TMEM207: variants seen among roughly 807,000 people sequenced by gnomAD.
TMEM207 encodes the protein transmembrane protein 207, also known as SRSR846.
In TMEM207, 15 loss-of-function variants were observed where a neutral mutation model predicts 17.4. The ratio of observed to expected loss-of-function variants is 0.86; its 90% CI spans 0.58 to 1.33. TMEM207 has a LOEUF of 1.33. TMEM207 is among the 40% of genes most tolerant of loss of function. TMEM207 has a pLI of 0.00. For missense variants in TMEM207, 205 were observed against 173.8 expected (o/e 1.18, Z -1.01); for synonymous variants, 70 against 65.6 (o/e 1.07, Z -0.33).
rs1015881672 is a variant in TMEM207 at position 190,447,905 on chromosome 3, A to G, written c.76-78T>C. The G allele has an allele frequency of 3.6e-6, 5 of 1,372,652 alleles. No individual in the cohort carries two copies. The African/African-American group carries it at 5.9e-5, about 16-fold the overall frequency. 85.0% of individuals were successfully genotyped at this position (1,372,652 alleles called of 1,614,324 possible). A position where few individuals can be genotyped will look rare whatever the true frequency, so the allele number is the denominator to read the frequency against. On this transcript the variant is annotated intron_variant, in intron 1 of 4. Transcript: ENST00000354905. ...TTTAATACAAGCAGCGCCTAGAGAC[A>G]ATGTGGGTTTATATCATTTCGTTTG...
chr3:190,438,908 C>T (rs1294037634), intron 4 of TMEM207, among the ~76,000 whole-genome samples: 1 of 151,904 alleles, frequency 6.6e-6, no homozygotes, highest in Non-Finnish European at 1.5e-5. Context: ...AACCATTTCC[C>T]GCCGGGCGCG....
intron 4 of TMEM207, among the ~76,000 whole-genome samples, chr3:190,438,258 A>T (rs1008335972): frequency 5.3e-5 from 8 of 151,982 alleles, no homozygotes; most frequent in African/African-American, 9.7e-5. Flanking sequence ...ATAATAATTA[A>T]AAAAAAGCAA....
At chr3:190,440,691 C>T (rs1719910381) in intron 3 of TMEM207, among the ~76,000 whole-genome samples, 1 of 152,190 alleles carries the variant, frequency 6.6e-6, no homozygotes, top group African/African-American at 2.4e-5. Flanking sequence ...TTTCAGACAT[C>T]CATCCAGCCA....
intron 4 of TMEM207, among the ~76,000 whole-genome samples, chr3:190,434,845 A>G (rs977475333): frequency 2.0e-5 from 3 of 152,220 alleles, no homozygotes; most frequent in African/African-American, 7.2e-5. Flanking sequence ...TCAGGGGAAC[A>G]TAGTAAAGGG....
chr3:190,441,592 T>C (rs1244697435), intron 2 of TMEM207, 110 bp from the exon 3 acceptor site: 2 of 817,756 alleles, frequency 2.4e-6, no homozygotes, highest in African/African-American at 3.4e-5. Context: ...AACAGTCACC[T>C]ACATATTCCC....
Position 190,433,887 on chromosome 3 carries a change from G to A in TMEM207, c.305-4156C>T, listed in dbSNP as rs867022047. ...TGTTCTCATGATAGTGAGTTCTCAC[G>A]AGATCTGATTGTTTAAAAGTGTGTA... On this transcript the variant is annotated intron_variant, in intron 4 of 4. Coordinates refer to ENST00000354905, the MANE Select transcript of TMEM207 (RefSeq NM_207316.3). Among the ~76,000 whole-genome samples, 62 of 152,132 alleles carry A rather than the reference G, an allele frequency of 4.1e-4. No individual in the cohort carries two copies. The Middle Eastern group carries it at 0.01, about 25-fold the overall frequency.
At position 190,428,911 on chromosome 3, in the gene TMEM207, CATTACT is replaced by C. The variant is rs1030254249; in HGVS notation, c.*678_*683del. On this transcript the variant is annotated 3_prime_UTR_variant, in exon 5 of 5. Transcript: ENST00000354905. ...CACTATGGACTATGGAGGCCACATT[CATTACT>C]GTAAAAGGGGAACTTTTCTTTTCTC... is the stretch of plus-strand genomic sequence containing the variant. 2.1e-4 allele frequency: 32 copies of C among 152,332 alleles called. No individual in the cohort carries two copies. The highest frequency in any genetic ancestry group is 7.7e-4 in the African/African-American group (32 of 41,570). The allele number at this position is 152,332 out of a possible 1,614,324, so 9.4% of individuals were successfully genotyped here. A position where few individuals can be genotyped will look rare whatever the true frequency, so the allele number is the denominator to read the frequency against.
intron 2 of TMEM207, among the ~76,000 whole-genome samples, chr3:190,441,689 G>A (rs954384137): frequency 5.3e-5 from 8 of 152,288 alleles, no homozygotes; most frequent in African/African-American, 1.4e-4. Context: ...ACAAGTAAAT[G>A]TGAAATTATC....
intron 1 of TMEM207, among the ~76,000 whole-genome samples, chr3:190,448,976 A>T (rs928800458): frequency 6.6e-6 from 1 of 152,244 alleles, no homozygotes; most frequent in African/African-American, 2.4e-5. Flanking sequence ...GAAAATGAAC[A>T]TTCACATTTT....
rs373207841 is a variant in TMEM207 at position 190,439,021 on chromosome 3, C to CA, written c.304+1222dup. On this transcript the variant is annotated intron_variant, in intron 4 of 4. Transcript: ENST00000354905. ...TGAAACCCCGTCTCTACTAAAAATA[C>CA]AAAAAATTAGCCGGGCGTGGTGGCG... is the stretch of plus-strand genomic sequence containing the variant. Among the ~76,000 whole-genome samples, 1,288 of 138,932 alleles carry CA rather than the reference C, an allele frequency of 9.3e-3. 8 individuals are homozygous for CA. Among genetic ancestry groups the CA allele is most frequent in the African/African-American group, 0.032 (1,247 of 39,294 alleles). The allele number at this position is 138,932 out of a possible 152,430, so 91.1% of individuals were successfully genotyped here.
At chr3:190,444,353 G>T in intron 2 of TMEM207, 1 of 933,216 alleles carries the variant, frequency 1.1e-6, no homozygotes, top group Non-Finnish European at 1.3e-6. Flanking sequence ...CAACCCAAAT[G>T]CTCTGTCTGC....
At chr3:190,447,061 G>T (rs1038838856) in intron 2 of TMEM207, among the ~76,000 whole-genome samples, 1 of 151,698 alleles carries the variant, frequency 6.6e-6, no homozygotes, top group African/African-American at 2.4e-5. Context: ...CCCAATTTCT[G>T]CTGTGAAATA....
chr3:190,431,309 G>A (rs527454934), intron 4 of TMEM207, among the ~76,000 whole-genome samples: 2 of 152,084 alleles, frequency 1.3e-5, no homozygotes, highest in South Asian at 4.2e-4. Context: ...AACAAGGCCT[G>A]GCACAGGAAT....
At chr3:190,446,698 A>G (rs3846103) in intron 2 of TMEM207, among the ~76,000 whole-genome samples, 127,713 of 152,210 alleles carry the variant, frequency 0.84, 54,125 homozygotes, top group African/African-American at 0.95. Flanking sequence ...AGCTACCGCT[A>G]AAGTCAGCAT....
At position 190,429,588 on chromosome 3, in the gene TMEM207, C is replaced by T. The variant is rs746677462; in HGVS notation, c.*7G>A. 2 of 1,613,142 alleles carry T rather than the reference C, an allele frequency of 1.2e-6. No homozygotes were observed. Among genetic ancestry groups the T allele is most frequent in the Non-Finnish European group, 1.7e-6 (2 of 1,179,446 alleles). On this transcript the variant is annotated 3_prime_UTR_variant, in exon 5 of 5. Transcript: ENST00000354905. ...TAATACTTTAAATTGATAATCCACA[C>T]CTAAAATCAGGTTGTTTTTACAATT...
At chr3:190,449,235 C>T (rs1720111157) in intron 1 of TMEM207, among the ~76,000 whole-genome samples, 1 of 152,124 alleles carries the variant, frequency 6.6e-6, no homozygotes, top group African/African-American at 2.4e-5. Flanking sequence ...TTTCAGATAC[C>T]TTGCATTGAA....
intron 2 of TMEM207, among the ~76,000 whole-genome samples, chr3:190,442,231 T>C (rs370958930): frequency 2.2e-4 from 34 of 152,356 alleles, no homozygotes; most frequent in Middle Eastern, 3.4e-3. Context: ...ATGGACTTTT[T>C]TCATACCTCA....
chr3:190,449,166 C>T (rs1300907804), intron 1 of TMEM207, among the ~76,000 whole-genome samples: 1 of 152,152 alleles, frequency 6.6e-6, no homozygotes, highest in Admixed American at 6.6e-5. Flanking sequence ...CATTAGCTGT[C>T]AAACTTCCAG....
chr3:190,447,846 A>G lies in TMEM207; in HGVS notation c.76-19T>C. The G allele has an allele frequency of 3.7e-6, 6 of 1,609,106 alleles. No homozygotes were observed. The highest frequency in any genetic ancestry group is 5.1e-6 in the Non-Finnish European group (6 of 1,177,876). ...GCACCAACTGAAACACATGTTTAGA[A>G]CAATAAAATCCAAACATCTCATCAG... is the stretch of plus-strand genomic sequence containing the variant. On this transcript the variant is annotated intron_variant, in intron 1 of 4. Coordinates refer to ENST00000354905, the MANE Select transcript of TMEM207 (RefSeq NM_207316.3).
Sources: allele counts gnomAD v4.1 joint callset (sites outside exome capture counted in the v4.1 genomes callset), GRCh38; gene constraint gnomAD v4.1.1; transcripts MANE v1.5; gene names NCBI Gene and HGNC (gene_info 2026-07-23, HGNC 2026-07-21).